Variants in HSD17B4 observed in about 807,000 individuals in gnomAD.
The protein encoded by HSD17B4 is peroxisomal multifunctional enzyme type 2.
Under a neutral mutation model 101.0 loss-of-function variants are expected in HSD17B4, and 70 were observed. The observed-to-expected ratio is 0.69, with a 90% CI of 0.57 to 0.85. The LOEUF (loss-of-function observed/expected upper bound fraction) is 0.85, where lower values mean the gene tolerates loss of function less well. Ranked by LOEUF, HSD17B4 falls within the 40% of genes least tolerant of loss-of-function variation. The pLI, the probability that HSD17B4 is intolerant of heterozygous loss-of-function variation, is 0.00. For synonymous variants in HSD17B4, 347 were observed against 297.1 expected (o/e 1.17, Z -1.73); for missense variants, 984 against 892.4 (o/e 1.10, Z -1.31).
At chr5:119,481,560 G>C (rs1297016130) in intron 8 of HSD17B4, among the ~76,000 whole-genome samples, 1 of 152,164 alleles carries the variant, frequency 6.6e-6, no homozygotes, top group East Asian at 1.9e-4. Context: ...CTCAGTGCAT[G>C]TAAAAGTTAT....
At chr5:119,505,814 A>C (rs911112649) in intron 14 of HSD17B4, among the ~76,000 whole-genome samples, 24 of 152,156 alleles carry the variant, frequency 1.6e-4, no homozygotes, top group African/African-American at 5.8e-4. Context: ...TTAAGAAAGA[A>C]TGGGGTAAAC....
At chr5:119,517,806 G>A (rs576590569) in intron 17 of HSD17B4, among the ~76,000 whole-genome samples, 12 of 151,952 alleles carry the variant, frequency 7.9e-5, no homozygotes, top group Non-Finnish European at 1.8e-4. Flanking sequence ...TCTAGCTCAA[G>A]GTTTGTAAAC....
intron 2 of HSD17B4, among the ~76,000 whole-genome samples, chr5:119,467,472 A>G (rs1366620370): frequency 6.6e-6 from 1 of 152,194 alleles, no homozygotes; most frequent in Admixed American, 6.5e-5. Context: ...TGGGTGTTCC[A>G]GTGTTGGGTG....
At chr5:119,496,733 C>A in intron 12 of HSD17B4, 87 bp downstream of exon 12, 1 of 804,844 alleles carries the variant, frequency 1.2e-6, no homozygotes, top group Non-Finnish European at 2.3e-6. Context: ...TCCCCTACTT[C>A]TTTCTCTTTT....
intron 12 of HSD17B4, among the ~76,000 whole-genome samples, chr5:119,497,306 T>C (rs1315345361): frequency 6.6e-6 from 1 of 152,068 alleles, no homozygotes; most frequent in Non-Finnish European, 1.5e-5. Flanking sequence ...CTCAGGGAGG[T>C]ACTGAATGGA....
At chr5:119,524,923 T>C (rs536212030) in intron 17 of HSD17B4, among the ~76,000 whole-genome samples, 5 of 152,284 alleles carry the variant, frequency 3.3e-5, no homozygotes, top group Admixed American at 2.6e-4. Flanking sequence ...GTAGATTGAC[T>C]GACTTCTTTT....
At chr5:119,456,400 A>G (rs1257409643) in intron 2 of HSD17B4, 32 bp downstream of exon 2, 2 of 1,291,724 alleles carry the variant, frequency 1.5e-6, no homozygotes, top group East Asian at 2.3e-5. Flanking sequence ...TTTAATCTGT[A>G]GCTGATAACT....
intron 1 of HSD17B4, among the ~76,000 whole-genome samples, chr5:119,455,564 C>A (rs368825358): frequency 0.06 from 7,572 of 125,908 alleles, 234 homozygotes; most frequent in Non-Finnish European, 0.076. Flanking sequence ...CTCTCTCTCT[C>A]TCTCTATATA....
At chr5:119,482,931 A>G (rs532071357) in intron 8 of HSD17B4, among the ~76,000 whole-genome samples, 3 of 137,862 alleles carry the variant, frequency 2.2e-5, no homozygotes, top group African/African-American at 2.7e-5. Context: ...TCCTTCCCTT[A>G]TTTGAGATGG....
At chr5:119,539,323 A>G (rs113367196) in intron 23 of HSD17B4, among the ~76,000 whole-genome samples, 20,375 of 151,896 alleles carry the variant, frequency 0.13, 2,174 homozygotes, top group African/African-American at 0.29. Flanking sequence ...ATTCTCAGCA[A>G]ACTATTGCAA....
intron 14 of HSD17B4, among the ~76,000 whole-genome samples, chr5:119,504,786 G>A (rs531106425): frequency 1.2e-4 from 18 of 152,176 alleles, no homozygotes; most frequent in African/African-American, 4.1e-4. Context: ...TGTTTTGATC[G>A]TAATTGCTTT....
intron 17 of HSD17B4, among the ~76,000 whole-genome samples, chr5:119,517,014 A>G (rs1450106268): frequency 6.6e-6 from 1 of 152,214 alleles, no homozygotes; most frequent in Non-Finnish European, 1.5e-5. Flanking sequence ...GCACTTGAGG[A>G]GCCCATCAGC....
intron 1 of HSD17B4, chr5:119,452,848 C>T (rs1754203231): frequency 2.0e-6 from 3 of 1,535,570 alleles, no homozygotes; most frequent in South Asian, 1.2e-5. Flanking sequence ...CCCAGCACCC[C>T]GGTGTGGGCT....
rs190659146 is a variant in HSD17B4 at position 119,527,227 on chromosome 5, T to C, written c.1767+8T>C. ...ATTCATTTTCAAACCAAGGTATGAA[T>C]TTTGCTTTTTCACCCTTCTCACATG... On this transcript the variant is annotated splice_region_variant and intron_variant, in intron 20 of 23. Transcript: ENST00000510025. 3,985 of 1,571,114 alleles carry C rather than the reference T, an allele frequency of 2.5e-3. 120 individuals carry two copies. The South Asian group carries it at 0.04, about 16-fold the overall frequency.
intron 2 of HSD17B4, among the ~76,000 whole-genome samples, chr5:119,466,657 C>T: frequency 6.6e-6 from 1 of 151,632 alleles, no homozygotes; most frequent in Non-Finnish European, 1.5e-5. Context: ...TTTTTCATTT[C>T]TGATTTTATT....
intron 2 of HSD17B4, among the ~76,000 whole-genome samples, chr5:119,462,519 A>G (rs565920358): frequency 1.4e-4 from 21 of 152,120 alleles, no homozygotes; most frequent in South Asian, 6.2e-4. Flanking sequence ...ATCAGTGTAC[A>G]TAGTAGTTTT....
At chr5:119,496,030 G>C (rs1750616719) in intron 11 of HSD17B4, among the ~76,000 whole-genome samples, 1 of 152,072 alleles carries the variant, frequency 6.6e-6, no homozygotes, top group Non-Finnish European at 1.5e-5. Context: ...TCCCTGTCTG[G>C]AGTCATTGGT....
At chr5:119,517,138 G>A (rs956667585) in intron 17 of HSD17B4, among the ~76,000 whole-genome samples, 3 of 152,148 alleles carry the variant, frequency 2.0e-5, no homozygotes, top group Non-Finnish European at 2.9e-5. Context: ...GGCTGCGCGC[G>A]GCGCTCGCAG....
intron 16 of HSD17B4, among the ~76,000 whole-genome samples, chr5:119,512,252 A>G (rs1433845819): frequency 1.3e-5 from 2 of 152,156 alleles, no homozygotes; most frequent in Non-Finnish European, 2.9e-5. Flanking sequence ...ACATTCATAT[A>G]ATGGGTGTAT....
Sources: allele counts gnomAD v4.1 joint callset (sites outside exome capture counted in the v4.1 genomes callset), GRCh38; gene constraint gnomAD v4.1.1; transcripts MANE v1.5; gene names NCBI Gene and HGNC (gene_info 2026-07-23, HGNC 2026-07-21).